The following SHC4 variants were observed in gnomAD, a reference collection of about 807,000 sequenced individuals.
SHC4 encodes the protein SHC adaptor protein 4.
Under a neutral mutation model 69.4 loss-of-function variants are expected in SHC4, and 41 were observed. That is an observed-to-expected ratio of 0.59 (90% CI 0.46 to 0.77). SHC4 has a LOEUF of 0.77. Ranked by LOEUF, SHC4 falls within the 30% of genes least tolerant of loss-of-function variation. SHC4 has a pLI of 0.00. For synonymous variants in SHC4, 318 were observed against 299.3 expected (o/e 1.06, Z -0.64); for missense variants, 777 against 783.8 (o/e 0.99, Z 0.10).
chr15:48,891,784 G>A (rs1322698247), intron 2 of SHC4, among the ~76,000 whole-genome samples: 1 of 152,134 alleles, frequency 6.6e-6, no homozygotes, highest in Non-Finnish European at 1.5e-5. Flanking sequence ...ATTTTCTATA[G>A]TTTCGATTCC....
chr15:48,903,894 T>C (rs1353937414), intron 2 of SHC4, among the ~76,000 whole-genome samples: 1 of 152,174 alleles, frequency 6.6e-6, no homozygotes, highest in Admixed American at 6.6e-5. Context: ...GCCTCCCAAG[T>C]AGTGGGGACT....
chr15:48,959,471 A>G (rs1269581932), intron 1 of SHC4, among the ~76,000 whole-genome samples: 1 of 152,230 alleles, frequency 6.6e-6, no homozygotes, highest in Non-Finnish European at 1.5e-5. Context: ...TTGTTAAATA[A>G]ATGGATGAAT....
At chr15:48,830,792 C>A (rs545284200) in intron 11 of SHC4, among the ~76,000 whole-genome samples, 1 of 152,284 alleles carries the variant, frequency 6.6e-6, no homozygotes, top group East Asian at 1.9e-4. Context: ...AGAAACAAAG[C>A]AAGCAAACCG....
intron 4 of SHC4, among the ~76,000 whole-genome samples, chr15:48,874,864 G>A (rs1899763288): frequency 2.0e-5 from 3 of 152,232 alleles, no homozygotes; most frequent in Non-Finnish European, 2.9e-5. Context: ...GTCTGAATCC[G>A]ACTATTTTAG....
intron 1 of SHC4, among the ~76,000 whole-genome samples, chr15:48,949,721 C>T (rs1901334331): frequency 6.6e-6 from 1 of 150,600 alleles, no homozygotes; most frequent in African/African-American, 2.4e-5. Flanking sequence ...TTGCGGATAA[C>T]CTATAATTCC....
In SHC4 at chr15:48,835,010, G is replaced by A. The variant is rs368278915; in HGVS notation, c.1496C>T (p.Thr499Ile). 9.9e-6 allele frequency: 16 copies of A among 1,610,828 alleles called. No homozygotes were observed. In the African/African-American group the frequency reaches 2.1e-4, roughly 22 times the overall value. The change falls in exon 11 of 12, where the codon ACT (threonine) becomes ATT (isoleucine). Residue 499 changes from threonine (T) to isoleucine (I), a missense_variant. By Grantham distance (89) the Thr-to-Ile change is moderately conservative. Transcript: ENST00000332408. ...CTGGGCTGTGGCACCCGGCTGAACA[G>A]TTTCTGGTGCCTCTGAAGTCAGAAC... Reference protein sequence around the residue: ...SPWHCGKAPETVQPGATAQPA... With the variant: ...SPWHCGKAPEIVQPGATAQPA...
intron 1 of SHC4, among the ~76,000 whole-genome samples, chr15:48,932,565 C>T (rs1567073262): frequency 6.6e-6 from 1 of 152,144 alleles, no homozygotes; most frequent in Non-Finnish European, 1.5e-5. Context: ...CTTCAAAATT[C>T]AGAACAACCC....
At chr15:48,956,970 C>CTTTT (rs1234585427) in intron 1 of SHC4, among the ~76,000 whole-genome samples, 56 of 70,164 alleles carry the variant, frequency 8.0e-4, no homozygotes, top group African/African-American at 1.5e-3. Flanking sequence ...TTCTTTCTTT[C>CTTTT]TTTCTTTTTT....
intron 9 of SHC4, among the ~76,000 whole-genome samples, chr15:48,848,630 C>G (rs555412314): frequency 6.6e-6 from 1 of 152,194 alleles, no homozygotes; most frequent in South Asian, 2.1e-4. Context: ...GTATTTGAAT[C>G]TTCTTATAGT....
chr15:48,944,279 C>T (rs949058275), intron 1 of SHC4, among the ~76,000 whole-genome samples: 4 of 151,816 alleles, frequency 2.6e-5, no homozygotes, highest in Non-Finnish European at 5.9e-5. Context: ...TGTTCCTTTT[C>T]CTTTCCCTCA....
At chr15:48,844,680 T>C (rs1239304901) in intron 9 of SHC4, among the ~76,000 whole-genome samples, 1 of 152,190 alleles carries the variant, frequency 6.6e-6, no homozygotes, top group East Asian at 1.9e-4. Context: ...ATAATCCTCA[T>C]GTGTCAAGGG....
chr15:48,825,878 CTATTT>C lies in SHC4; in HGVS notation c.*88_*92del. 24 of 1,460,072 alleles carry C rather than the reference CTATTT, an allele frequency of 1.6e-5. No homozygotes were observed. The highest frequency in any genetic ancestry group is 2.2e-5 in the Non-Finnish European group (24 of 1,082,256). 90.4% of individuals were successfully genotyped at this position (1,460,072 alleles called of 1,614,324 possible). ...AAAGATGCACTTCACAGTTTGTGCT[CTATTT>C]TATCTACAAACAAAGTTTAAATTAT... On this transcript the variant is annotated 3_prime_UTR_variant, in exon 12 of 12. Transcript: ENST00000332408.
At chr15:48,872,575 G>A (rs747607550) in intron 4 of SHC4, among the ~76,000 whole-genome samples, 7 of 152,170 alleles carry the variant, frequency 4.6e-5, no homozygotes, top group Non-Finnish European at 7.4e-5. Flanking sequence ...GATGAAAATC[G>A]GAACTGAGAA....
intron 1 of SHC4, among the ~76,000 whole-genome samples, chr15:48,956,612 C>G (rs1311632714): frequency 6.6e-6 from 1 of 152,176 alleles, no homozygotes; most frequent in African/African-American, 2.4e-5. Context: ...CCCTTCACCC[C>G]TCCCTGGAAT....
rs751410174 is a variant in SHC4 at position 48,856,098 on chromosome 15, G to A, written c.1097C>T (p.Ala366Val). ...ESEEVHIDSH[A>V]EEREDHEYYN... ...ATATTCATGATCTTCTCTCTCCTCG[G>A]CATGGCTATCAATATGCACCTCCTC... The change falls in exon 8 of 12, where the codon GCC (alanine) becomes GTC (valine). Residue 366 changes from alanine (A) to valine (V), a missense_variant. Transcript: ENST00000332408. 1 of 1,613,320 alleles carries A rather than the reference G, an allele frequency of 6.2e-7. No homozygotes were observed. The highest frequency in any genetic ancestry group is 8.5e-7 in the Non-Finnish European group (1 of 1,179,590).
intron 1 of SHC4, among the ~76,000 whole-genome samples, chr15:48,962,195 T>G (rs1901555796): frequency 1.3e-5 from 2 of 152,204 alleles, no homozygotes; most frequent in South Asian, 4.1e-4. Context: ...CACAAGTTCA[T>G]GTCCTACAAG....
intron 1 of SHC4, among the ~76,000 whole-genome samples, chr15:48,952,325 AG>A (rs1647313717): frequency 6.6e-6 from 1 of 152,196 alleles, no homozygotes; most frequent in African/African-American, 2.4e-5. Context: ...AACTAGAGGA[AG>A]TTTTCAACCC....
intron 2 of SHC4, among the ~76,000 whole-genome samples, chr15:48,915,708 CT>C (rs1232132128): frequency 1.3e-5 from 2 of 152,212 alleles, no homozygotes; most frequent in African/African-American, 4.8e-5. Context: ...CCTTAACACC[CT>C]TTCCTGACCA....
intron 4 of SHC4, among the ~76,000 whole-genome samples, chr15:48,881,375 CAA>C (rs34708269): frequency 8.3e-5 from 9 of 109,004 alleles, no homozygotes; most frequent in African/African-American, 1.3e-4. Flanking sequence ...AAAAACAAAG[CAA>C]AAAAAAAAAA....
Sources: allele counts gnomAD v4.1 joint callset (sites outside exome capture counted in the v4.1 genomes callset), GRCh38; gene constraint gnomAD v4.1.1; transcripts MANE v1.5; gene names NCBI Gene and HGNC (gene_info 2026-07-23, HGNC 2026-07-21).